Variants in DLG2 observed in about 807,000 individuals in gnomAD.
The protein encoded by DLG2 is discs large MAGUK scaffold protein 2, also known as disks large homolog 2.
A neutral mutation model predicts 132.5 loss-of-function variants in DLG2; 45 were observed. That is an observed-to-expected ratio of 0.34 (90% CI 0.27 to 0.44). The LOEUF is 0.44. DLG2 is among the 20% of genes least tolerant of loss of function. The pLI is 1.00. For synonymous variants in DLG2, 424 were observed against 419.6 expected, an observed-to-expected ratio of 1.01 and a Z score of -0.13; for missense variants, 1,045 against 1,196.9, an observed-to-expected ratio of 0.87 and a Z score of 1.87.
chr11:84,948,147 C>T (rs1370628901), intron 6 of DLG2, among the ~76,000 whole-genome samples: 1 of 152,204 alleles, frequency 6.6e-6, no homozygotes, highest in African/African-American at 2.4e-5. Flanking sequence ...CCTGCCACCC[C>T]TGCAGGATGA....
Position 83,712,925 on chromosome 11 carries a change from T to C in DLG2, c.1825+73765A>G, listed in dbSNP as rs939320187. ...TCACCGTGGCACAAGTTTACCTATG[T>C]AATAAACCTGCGCATCCTGCCCATG... On this transcript the variant is annotated intron_variant, in intron 18 of 27. Coordinates refer to ENST00000376104, the MANE Select transcript of DLG2 (RefSeq NM_001142699.3). 3.3e-5 allele frequency among the ~76,000 whole-genome samples: 5 copies of C among 151,800 alleles called. No individual in the cohort carries two copies. In the South Asian group the frequency reaches 1.0e-3, roughly 32 times the overall value.
intron 6 of DLG2, among the ~76,000 whole-genome samples, chr11:84,746,132 A>G (rs1433865935): frequency 1.3e-5 from 2 of 152,080 alleles, no homozygotes; most frequent in Non-Finnish European, 2.9e-5. Context: ...TTATAACAAC[A>G]TATTTTGACA....
intron 18 of DLG2, among the ~76,000 whole-genome samples, chr11:83,722,766 G>A (rs2088978055): frequency 6.6e-6 from 1 of 152,134 alleles, no homozygotes; most frequent in Non-Finnish European, 1.5e-5. Context: ...AAAATGTTTG[G>A]ATGCAAGTCT....
chr11:84,752,479 TA>T (rs761569919), intron 6 of DLG2, among the ~76,000 whole-genome samples: 106 of 152,148 alleles, frequency 7.0e-4, no homozygotes, highest in Middle Eastern at 3.4e-3. Flanking sequence ...ATTTTATTAT[TA>T]TTTTTTTATC....
chr11:84,230,040 A>G (rs924761889), intron 8 of DLG2, among the ~76,000 whole-genome samples: 4 of 152,226 alleles, frequency 2.6e-5, no homozygotes, highest in African/African-American at 9.6e-5. Context: ...CAAGAATCAC[A>G]TAAATCTCCA....
chr11:84,913,890 A>G (rs1019870307), intron 6 of DLG2, among the ~76,000 whole-genome samples: 3 of 152,214 alleles, frequency 2.0e-5, no homozygotes, highest in African/African-American at 7.2e-5. Context: ...AGTCAACTAA[A>G]CATCCAACAC....
At chr11:83,856,541 G>A (rs2060560541) in intron 16 of DLG2, among the ~76,000 whole-genome samples, 1 of 152,036 alleles carries the variant, frequency 6.6e-6, no homozygotes, top group South Asian at 2.1e-4. Flanking sequence ...GGCATGAGAT[G>A]GTATCTCATT....
At chr11:83,582,466 T>C (rs1482117544) in intron 19 of DLG2, among the ~76,000 whole-genome samples, 1 of 152,234 alleles carries the variant, frequency 6.6e-6, no homozygotes, top group Non-Finnish European at 1.5e-5. Context: ...CCAGGCATAG[T>C]GCTTGATGCT....
At chr11:84,510,463 G>T (rs975720021) in intron 7 of DLG2, among the ~76,000 whole-genome samples, 11 of 152,002 alleles carry the variant, frequency 7.2e-5, no homozygotes, top group Non-Finnish European at 1.2e-4. Context: ...ATAGATATAA[G>T]AACTCAAAAC....
chr11:84,375,773 A>G (rs1475635954), intron 7 of DLG2, among the ~76,000 whole-genome samples: 1 of 151,952 alleles, frequency 6.6e-6, no homozygotes, highest in African/African-American at 2.4e-5. Flanking sequence ...CTGCTTTGTC[A>G]TTTATACATT....
intron 7 of DLG2, among the ~76,000 whole-genome samples, chr11:84,281,476 AC>A (rs1211554009): frequency 1.3e-5 from 2 of 151,892 alleles, no homozygotes; most frequent in African/African-American, 4.8e-5. Context: ...GTTTTAGGGT[AC>A]ATGTGCACAA....
At chr11:84,506,062 A>G (rs868149552) in intron 7 of DLG2, among the ~76,000 whole-genome samples, 31 of 135,696 alleles carry the variant, frequency 2.3e-4, no homozygotes, top group Middle Eastern at 3.7e-3. Context: ...CTCTAATGTT[A>G]TGACAGAGGC....
intron 19 of DLG2, among the ~76,000 whole-genome samples, chr11:83,544,089 C>T (rs2096168569): frequency 6.6e-6 from 1 of 152,178 alleles, no homozygotes; most frequent in African/African-American, 2.4e-5. Context: ...TGGTAGATAA[C>T]ATTTCGCACC....
At chr11:85,318,758 C>T (rs901514141) in intron 3 of DLG2, among the ~76,000 whole-genome samples, 2 of 151,926 alleles carry the variant, frequency 1.3e-5, no homozygotes, top group Admixed American at 6.6e-5. Flanking sequence ...TTGAGCAATA[C>T]TGTTGCAGCA....
In DLG2 at chr11:84,668,419, A is replaced by G. The variant is rs567408542; in HGVS notation, c.358-133688T>C. On this transcript the variant is annotated intron_variant, in intron 6 of 27. Coordinates refer to ENST00000376104, the MANE Select transcript of DLG2 (RefSeq NM_001142699.3). ...CAAATGTATCTTTGAATTATCAAAT[A>G]GAAGGTAACCAGCTTCCCAAATACC... Among the ~76,000 whole-genome samples the G allele has an allele frequency of 3.9e-5, 6 of 152,314 alleles. No homozygotes were observed. In the South Asian group the frequency reaches 1.2e-3, roughly 32 times the overall value.
intron 6 of DLG2, among the ~76,000 whole-genome samples, chr11:85,009,369 AGCT>A: frequency 6.6e-6 from 1 of 152,274 alleles, no homozygotes; most frequent in East Asian, 1.9e-4. Flanking sequence ...CATTTGATTG[AGCT>A]GCTAAAACAA....
chr11:85,036,132 C>T (rs1001036392), intron 6 of DLG2, among the ~76,000 whole-genome samples: 4 of 152,056 alleles, frequency 2.6e-5, no homozygotes, highest in Non-Finnish European at 5.9e-5. Context: ...AAATGTTATC[C>T]CTCTGCCTGG....
chr11:84,731,890 C>A (rs1185089003), intron 6 of DLG2, among the ~76,000 whole-genome samples: 1 of 151,962 alleles, frequency 6.6e-6, no homozygotes, highest in Non-Finnish European at 1.5e-5. Flanking sequence ...ATATCTATCA[C>A]CTTCAAACGT....
At chr11:85,385,125 C>G (rs1269466019) in intron 3 of DLG2, among the ~76,000 whole-genome samples, 2 of 152,168 alleles carry the variant, frequency 1.3e-5, no homozygotes, top group Non-Finnish European at 2.9e-5. Context: ...AACTCTTTAG[C>G]CTTCTGGCTC....
Sources: gnomAD v4.1 joint callset for allele counts (sites outside exome capture counted in the v4.1 genomes callset) on GRCh38, gnomAD v4.1.1 for gene constraint, MANE v1.5 for transcripts, NCBI Gene and HGNC (gene_info 2026-07-23, HGNC 2026-07-21) for gene names.